Variants in RNF10 observed in about 807,000 individuals in gnomAD.
The protein encoded by RNF10 is ring finger protein 10.
A neutral mutation model predicts 91.4 loss-of-function variants in RNF10; 38 were observed. That is an observed-to-expected ratio of 0.42 (90% CI 0.32 to 0.54). RNF10 has a LOEUF of 0.54. Ranked by LOEUF, RNF10 falls within the 20% of genes least tolerant of loss-of-function variation. The probability of loss-of-function intolerance (pLI) is 0.16; values close to 1 mark genes in which losing one functional copy is unlikely to be tolerated. For synonymous variants in RNF10, 364 were observed against 366.3 expected, an observed-to-expected ratio of 0.99 and a Z score of 0.07; for missense variants, 945 against 1,012.0, an observed-to-expected ratio of 0.93 and a Z score of 0.90.
intron 1 of RNF10, among the ~76,000 whole-genome samples, chr12:120,535,227 A>T (rs1240048311): frequency 1.3e-5 from 2 of 152,230 alleles, no homozygotes; most frequent in African/African-American, 4.8e-5. Flanking sequence ...ATGATGAGAA[A>T]GGGTAAGGTC....
Position 120,565,150 on chromosome 12 carries a change from C to A in RNF10, c.1744C>A (p.Pro582Thr). ...CAGCATCTGTGAACTGGCTTTGCAA[C>A]CTCCTGTGGTCTCTAAGGAAACCCT... ...EFSICELALQ[P>T]PVVSKETLEM... Residue 582 changes from proline (P) to threonine (T), a missense_variant, in exon 11 of 17, where the codon CCT (proline) becomes ACT (threonine). By Grantham distance (38) the Pro-to-Thr change is conservative. Transcript: ENST00000325954. The A allele has an allele frequency of 1.2e-6, 2 of 1,613,626 alleles. No individual in the cohort carries two copies. Among genetic ancestry groups the A allele is most frequent in the Non-Finnish European group, 1.7e-6 (2 of 1,179,556 alleles).
chr12:120,550,976 A>C (rs999855953), intron 2 of RNF10, among the ~76,000 whole-genome samples: 5 of 151,248 alleles, frequency 3.3e-5, no homozygotes, highest in African/African-American at 1.2e-4. Context: ...CACCAGTTGT[A>C]TTTAATTATT....
rs756737286 is a variant in RNF10 at position 120,534,831 on chromosome 12, A to G, written c.20A>G (p.Asn7Ser). 26 of 1,591,608 alleles carry G rather than the reference A, an allele frequency of 1.6e-5. No individual in the cohort carries two copies. The highest frequency in any genetic ancestry group is 8.7e-5 in the Admixed American group (5 of 57,800). The change falls in exon 1 of 17, where the codon AAC (asparagine) becomes AGC (serine). Residue 7 changes from asparagine (N) to serine (S), a missense_variant. Transcript: ENST00000325954. The stretch of plus-strand genomic sequence containing the variant: ...CCGTTGATGCCGCTGAGCTCCCCCA[A>G]CGCCGCCGCCACCGCCTCCGACATG... MPLSSP[N>S]AAATASDMDK...
At chr12:120,540,343 G>A (rs1871373235) in intron 1 of RNF10, among the ~76,000 whole-genome samples, 1 of 152,020 alleles carries the variant, frequency 6.6e-6, no homozygotes, top group Admixed American at 6.6e-5. Context: ...AGTGATTCTG[G>A]TGTGCAGCCA....
chr12:120,552,742 C>G (rs754788650), intron 3 of RNF10, 44 bp downstream of exon 3: 11 of 1,566,620 alleles, frequency 7.0e-6, no homozygotes, highest in East Asian at 4.5e-5. Context: ...GTAGGACTCT[C>G]CGGATAGCTG....
chr12:120,553,239 AC>A (rs1389856674), intron 3 of RNF10, among the ~76,000 whole-genome samples: 1 of 138,010 alleles, frequency 7.2e-6, no homozygotes, highest in African/African-American at 2.6e-5. Flanking sequence ...GCATACCACC[AC>A]CCCCGTCTAA....
chr12:120,537,944 C>A (rs78750822), intron 1 of RNF10, among the ~76,000 whole-genome samples: 3,687 of 152,268 alleles, frequency 0.024, 153 homozygotes, highest in African/African-American at 0.084. Context: ...AGGAACGTAA[C>A]AGCTAAGACC....
chr12:120,571,139 G>T, intron 13 of RNF10, 52 bp from the exon 14 acceptor site: 2 of 1,250,736 alleles, frequency 1.6e-6, no homozygotes, highest in Non-Finnish European at 1.2e-6. Flanking sequence ...CTCTTGTTAA[G>T]GACACCCCTT....
intron 1 of RNF10, among the ~76,000 whole-genome samples, chr12:120,538,693 A>G (rs957879382): frequency 6.6e-6 from 1 of 152,322 alleles, no homozygotes. Context: ...ATGGGCAGGC[A>G]GTGGACTCTG....
chr12:120,553,397 A>G (rs1465731082), intron 3 of RNF10, among the ~76,000 whole-genome samples: 1 of 139,016 alleles, frequency 7.2e-6, no homozygotes, highest in Non-Finnish European at 1.5e-5. Context: ...CAGGAAGAGG[A>G]ATTCTTTTTT....
intron 12 of RNF10, 30 bp downstream of exon 12, chr12:120,565,559 G>A (rs759875200): frequency 3.8e-6 from 6 of 1,576,338 alleles, no homozygotes; most frequent in Non-Finnish European, 5.2e-6. Flanking sequence ...TCTTTGACTA[G>A]CACTGCTGTA....
At chr12:120,571,051 G>C in intron 13 of RNF10, 140 bp from the exon 14 acceptor site, 2 of 615,696 alleles carry the variant, frequency 3.2e-6, no homozygotes, top group Non-Finnish European at 5.7e-6. Context: ...AGAGTTGAAA[G>C]TTGGATCAAT....
At chr12:120,558,346 T>TTG (rs1456330795) in intron 6 of RNF10, among the ~76,000 whole-genome samples, 3 of 151,960 alleles carry the variant, frequency 2.0e-5, no homozygotes, top group Non-Finnish European at 4.4e-5. Flanking sequence ...GTCTGAAGGA[T>TTG]TGTGTGTTCT....
intron 1 of RNF10, among the ~76,000 whole-genome samples, chr12:120,541,657 A>G (rs954960661): frequency 2.0e-5 from 3 of 150,262 alleles, no homozygotes; most frequent in Non-Finnish European, 3.0e-5. Context: ...GATGGTCTCT[A>G]TCTCCTGACT....
chr12:120,554,863 C>T (rs1045830474), intron 4 of RNF10, 55 bp downstream of exon 4: 17 of 1,371,046 alleles, frequency 1.2e-5, no homozygotes, highest in Non-Finnish European at 1.8e-5. Flanking sequence ...AATAAAGGCA[C>T]TGTGGTGACG....
Position 120,576,766 on chromosome 12 carries a change from TG to T in RNF10, c.*101del, listed in dbSNP as rs1427908489. On this transcript the variant is annotated 3_prime_UTR_variant, in exon 17 of 17. Transcript: ENST00000325954. ...GCTGTAATTTTTAAGTATTTGAGTT[TG>T]AACAGATTAGCTCTGGGGGGAGGGG... 1.3e-6 allele frequency: 2 copies of T among 1,524,578 alleles called. No homozygotes were observed. Among genetic ancestry groups the T allele is most frequent in the Non-Finnish European group, 1.8e-6 (2 of 1,127,040 alleles). 94.4% of individuals were successfully genotyped at this position (1,524,578 alleles called of 1,614,324 possible). A position where few individuals can be genotyped will look rare whatever the true frequency, so the allele number is the denominator to read the frequency against.
At chr12:120,574,037 C>A (rs1877035495) in intron 14 of RNF10, among the ~76,000 whole-genome samples, 1 of 152,188 alleles carries the variant, frequency 6.6e-6, no homozygotes, top group South Asian at 2.1e-4. Context: ...ACCCCCATGA[C>A]CCATACATCT....
chr12:120,563,193 C>T (rs749505550), intron 8 of RNF10, 123 bp downstream of exon 8: 17 of 1,499,660 alleles, frequency 1.1e-5, no homozygotes, highest in Middle Eastern at 1.7e-4. Flanking sequence ...TTTCTGTATG[C>T]TTGTTATTAG....
Position 120,563,605 on chromosome 12 carries a change from T to C in RNF10, c.1513T>C (p.Cys505Arg), listed in dbSNP as rs767956452. ...SGFTRLSSSP[C>R]YYFYQAEDGQ... is the part of the protein sequence containing the mutation. ...CTTCACACGCCTCAGCAGCTCTCCT[T>C]GTTACTACTTTTACCAAGGTGAGGG... The change falls in exon 9 of 17, where the codon TGT becomes CGT. Residue 505 changes from cysteine (C) to arginine (R), a missense_variant. Coordinates refer to ENST00000325954, the MANE Select transcript of RNF10 (RefSeq NM_014868.5). The C allele has an allele frequency of 6.2e-7, 1 of 1,602,470 alleles. No homozygotes were observed. Among genetic ancestry groups the C allele is most frequent in the Non-Finnish European group, 8.5e-7 (1 of 1,173,700 alleles).
Sources: allele counts gnomAD v4.1 joint callset (sites outside exome capture counted in the v4.1 genomes callset), GRCh38; gene constraint gnomAD v4.1.1; transcripts MANE v1.5; gene names NCBI Gene and HGNC (gene_info 2026-07-23, HGNC 2026-07-21).